Variants in ZNF462 observed in about 807,000 individuals in gnomAD.
ZNF462 encodes zinc finger PBX1-interacting protein.
In ZNF462, 10 loss-of-function variants were observed where a neutral mutation model predicts 201.9. The ratio of observed to expected loss-of-function variants is 0.05; its 90% CI spans 0.03 to 0.08. The LOEUF is 0.08. Ranked by LOEUF, ZNF462 falls within the 10% of genes least tolerant of loss-of-function variation. The pLI is 1.00. For synonymous variants in ZNF462, 1,227 were observed against 1,193.3 expected (o/e 1.03, Z -0.58); for missense variants, 2,523 against 3,168.3 (o/e 0.80, Z 4.89).
At position 106,863,345 on chromosome 9, in the gene ZNF462, A is replaced by T. The variant is rs1221307278; in HGVS notation, c.-41A>T. ...ACCCGAAGCACCTCCCGGCGCCGGG[A>T]CGCTTCTTCTGTAAGTTACTGCAAT... On this transcript the variant is annotated 5_prime_UTR_variant, in exon 1 of 13. Transcript: ENST00000277225. The T allele has an allele frequency of 2.5e-6, 1 of 396,244 alleles. No individual in the cohort carries two copies. Among genetic ancestry groups the T allele is most frequent in the Non-Finnish European group, 4.4e-6 (1 of 224,834 alleles). 24.5% of individuals were successfully genotyped at this position (396,244 alleles called of 1,614,324 possible). A position where few individuals can be genotyped will look rare whatever the true frequency, so the allele number is the denominator to read the frequency against.
Position 106,926,004 on chromosome 9 carries a change from G to C in ZNF462, c.2092G>C (p.Glu698Gln). The C allele has an allele frequency of 2.5e-6, 4 of 1,614,170 alleles. No individual in the cohort carries two copies. Among genetic ancestry groups the C allele is most frequent in the Non-Finnish European group, 3.4e-6 (4 of 1,180,036 alleles). The change falls in exon 3 of 13, where the codon GAG (glutamate) becomes CAG (glutamine). Residue 698 changes from glutamate (E) to glutamine (Q), a missense_variant. By Grantham distance (29) the Glu-to-Gln change is conservative. Transcript: ENST00000277225. The surrounding 1 kb of genome is among the most constrained non-coding windows in gnomAD (Gnocchi z 7.9). ...CGTGAAGAAGAGAACCAGGATTGAC[G>C]AGATAGCAAGCAACCTTCAGAGCAA... is the stretch of plus-strand genomic sequence containing the variant. ...SPVKKRTRID[E>Q]IASNLQSKIN...
rs757799432 is a variant in ZNF462 at position 106,919,852 on chromosome 9, G to A, written c.-30-3502G>A. Among the ~76,000 whole-genome samples the A allele has an allele frequency of 1.3e-5, 2 of 152,198 alleles. No individual in the cohort carries two copies. Among genetic ancestry groups the A allele is most frequent in the African/African-American group, 2.4e-5 (1 of 41,456 alleles). On this transcript the variant is annotated intron_variant, in intron 1 of 12. Transcript: ENST00000277225. The surrounding 1 kb of genome is among the most constrained non-coding windows in gnomAD (Gnocchi z 4.5). ...TGAAGGGCCTAGACATATATCTGGGGTAGAAGACAGGGATGCTTGTTTGAT... is the reference window on the plus strand; with the variant it reads ...TGAAGGGCCTAGACATATATCTGGGATAGAAGACAGGGATGCTTGTTTGAT...
intron 1 of ZNF462, among the ~76,000 whole-genome samples, chr9:106,882,167 A>C (rs1037493985): frequency 3.2e-4 from 48 of 152,268 alleles, no homozygotes; most frequent in Non-Finnish European, 2.8e-4. Flanking sequence ...TTGAAGGCCA[A>C]CCACTGATTT....
At position 107,012,711 on chromosome 9, in the gene ZNF462, G is replaced by GTTTTTT. The variant is rs57114077; in HGVS notation, c.*1695_*1700dup. ...CACGTGTGAATCCTTTGGTTTTCAT[G>GTTTTTT]TTTTTTTTTTTTTTTTTTTACTTGG... is the stretch of plus-strand genomic sequence containing the variant. On this transcript the variant is annotated 3_prime_UTR_variant, in exon 13 of 13. Transcript: ENST00000277225. 1 of 70,276 alleles carries GTTTTTT rather than the reference G, an allele frequency of 1.4e-5. No individual in the cohort carries two copies. The highest frequency in any genetic ancestry group is 4.3e-5 in the African/African-American group (1 of 23,330). The allele number at this position is 70,276 out of a possible 1,614,324, so 4.4% of individuals were successfully genotyped here. A position where few individuals can be genotyped will look rare whatever the true frequency, so the allele number is the denominator to read the frequency against.
In ZNF462 at chr9:106,872,181, T is replaced by C. The variant is rs779897002; in HGVS notation, c.-31+8826T>C. ...ATGGGCCTGATGGAGGGTCCTTCGT[T>C]TGGGGTACAATTTGAATGCTGGGTT... On this transcript the variant is annotated intron_variant, in intron 1 of 12. Coordinates refer to ENST00000277225, the MANE Select transcript of ZNF462 (RefSeq NM_021224.6). This position sits in a 1 kb window ranked among gnomAD's most constrained non-coding sequence, Gnocchi z 4.5. Among the ~76,000 whole-genome samples, 7 of 152,100 alleles carry C rather than the reference T, an allele frequency of 4.6e-5. No homozygotes were observed. The highest frequency in any genetic ancestry group is 1.0e-4 in the Non-Finnish European group (7 of 68,008).
At position 106,913,116 on chromosome 9, in the gene ZNF462, T is replaced by A. The variant is rs2131322102; in HGVS notation, c.-30-10238T>A. ...GTGGAACAATGCAGCCAGAGGCAGC[T>A]TCTCCATGGATGATGAGGAAAAGGA... On this transcript the variant is annotated intron_variant, in intron 1 of 12. Coordinates refer to ENST00000277225, the MANE Select transcript of ZNF462 (RefSeq NM_021224.6). The surrounding 1 kb of genome is among the most constrained non-coding windows in gnomAD (Gnocchi z 4.1). 6.6e-6 allele frequency among the ~76,000 whole-genome samples: 1 copy of A among 152,342 alleles called. No individual in the cohort carries two copies. The highest frequency in any genetic ancestry group is 2.4e-5 in the African/African-American group (1 of 41,580).
intron 6 of ZNF462, among the ~76,000 whole-genome samples, chr9:106,937,065 C>T (rs142900533): frequency 1.3e-5 from 2 of 152,290 alleles, no homozygotes; most frequent in African/African-American, 2.4e-5. Context: ...ACTCTTGACT[C>T]ATCTTGTCTT....
intron 7 of ZNF462, among the ~76,000 whole-genome samples, chr9:106,942,339 T>C (rs1375481144): frequency 6.6e-6 from 1 of 151,976 alleles, no homozygotes; most frequent in Non-Finnish European, 1.5e-5. Flanking sequence ...AATGAGAAGG[T>C]AGAGGGGAGA....
upstream of ZNF462, among the ~76,000 whole-genome samples, chr9:106,862,223 C>T (rs915583138): frequency 6.6e-6 from 1 of 152,208 alleles, no homozygotes; most frequent in Admixed American, 6.5e-5. The surrounding 1 kb of genome is among the most constrained non-coding windows in gnomAD (Gnocchi z 4.2). Flanking sequence ...ATTAAAAAGC[C>T]CCACGTGGTT....
chr9:106,992,095 A>G (rs991211867), intron 10 of ZNF462, among the ~76,000 whole-genome samples: 1 of 152,072 alleles, frequency 6.6e-6, no homozygotes, highest in Non-Finnish European at 1.5e-5. Context: ...GTAATTATCT[A>G]ACAAAGGGCT....
intron 1 of ZNF462, among the ~76,000 whole-genome samples, chr9:106,922,784 C>G (rs1299658433): frequency 6.6e-6 from 1 of 152,010 alleles, no homozygotes; most frequent in African/African-American, 2.4e-5. Flanking sequence ...GAGGTGCACC[C>G]CAATATCAGC....
intron 1 of ZNF462, among the ~76,000 whole-genome samples, chr9:106,884,025 C>G (rs1462908632): frequency 6.6e-6 from 1 of 152,198 alleles, no homozygotes; most frequent in Non-Finnish European, 1.5e-5. Flanking sequence ...GGGTGGACAG[C>G]TCCCTTTTAA....
chr9:106,886,750 G>C lies in ZNF462; in HGVS notation c.-31+23395G>C, dbSNP rs1262422797. On this transcript the variant is annotated intron_variant, in intron 1 of 12. Coordinates refer to ENST00000277225, the MANE Select transcript of ZNF462 (RefSeq NM_021224.6). The surrounding 1 kb of genome is among the most constrained non-coding windows in gnomAD (Gnocchi z 4.6). ...TGGAATATCAGTTTTCTGCCCTGGTGATCCATGCTTATTCCACTACAACAG... is the reference window on the plus strand; with the variant it reads ...TGGAATATCAGTTTTCTGCCCTGGTCATCCATGCTTATTCCACTACAACAG... 1.3e-5 allele frequency among the ~76,000 whole-genome samples: 2 copies of C among 152,146 alleles called. No homozygotes were observed. The highest frequency in any genetic ancestry group is 2.9e-5 in the Non-Finnish European group (2 of 68,028).
Position 106,939,789 on chromosome 9 carries a change from GC to G in ZNF462, c.6427+683del, listed in dbSNP as rs796788893. On this transcript the variant is annotated intron_variant, in intron 7 of 12. Coordinates refer to ENST00000277225, the MANE Select transcript of ZNF462 (RefSeq NM_021224.6). ...AGGGCCTGCAGATATGGCATAGTAAGCAAAGGGATAGTTTATTGTTTTTATA... is the reference window on the plus strand; with the variant it reads ...AGGGCCTGCAGATATGGCATAGTAAGAAAGGGATAGTTTATTGTTTTTATA... 1.3e-3 allele frequency among the ~76,000 whole-genome samples: 204 copies of G among 152,300 alleles called. 3 individuals carry two copies. Among genetic ancestry groups the G allele is most frequent in the African/African-American group, 4.7e-3 (196 of 41,572 alleles).
At chr9:106,869,547 A>T (rs1827497614) in intron 1 of ZNF462, among the ~76,000 whole-genome samples, 1 of 152,216 alleles carries the variant, frequency 6.6e-6, no homozygotes, top group African/African-American at 2.4e-5. Context: ...TTCCAAACGA[A>T]TGCATCAATT....
Position 106,927,587 on chromosome 9 carries a change from G to T in ZNF462, c.3675G>T (p.Val1225=). Reference sequence around the variant, plus strand: ...GAGACTTCAAGGCCAATGCAGATGTGATCCGGCAGCATACGGCCACCATTC... The same window carrying T: ...GAGACTTCAAGGCCAATGCAGATGTTATCCGGCAGCATACGGCCACCATTC... ...KHRDFKANAD[V]IRQHTATIRS... The change falls in exon 3 of 13, where the codon GTG becomes GTT. Residue 1225 remains valine (V), a synonymous_variant. Transcript: ENST00000277225. 1 of 1,613,836 alleles carries T rather than the reference G, an allele frequency of 6.2e-7. No homozygotes were observed. The highest frequency in any genetic ancestry group is 8.5e-7 in the Non-Finnish European group (1 of 1,179,922).
chr9:106,925,871 C>T lies in ZNF462; in HGVS notation c.1959C>T (p.Asn653=), dbSNP rs1830174136. 3 of 1,614,196 alleles carry T rather than the reference C, an allele frequency of 1.9e-6. No individual in the cohort carries two copies. Among genetic ancestry groups the T allele is most frequent in the Non-Finnish European group, 2.5e-6 (3 of 1,180,040 alleles). The change falls in exon 3 of 13, where the codon AAC becomes AAT. Residue 653 remains asparagine, a synonymous_variant. Transcript: ENST00000277225. The surrounding 1 kb of genome is among the most constrained non-coding windows in gnomAD (Gnocchi z 7.9). ...CAGACAGCCACCCCTCTTCCAGCAA[C>T]ACTGTGAAGAAAAGTCAGACCTCAA... ...NETDSHPSSS[N]TVKKSQTSIL... is the part of the protein sequence containing the mutation.
At chr9:106,941,268 GC>G (rs1274968972) in intron 7 of ZNF462, among the ~76,000 whole-genome samples, 1 of 152,058 alleles carries the variant, frequency 6.6e-6, no homozygotes, top group African/African-American at 2.4e-5. Context: ...TATTTTTCTG[GC>G]CCTCCGACAA....
rs757536865 is a variant in ZNF462 at position 106,929,538 on chromosome 9, A to C, written c.5626A>C (p.Arg1876=). ...TGACCACCACAGTCGGGACCTAAAG[A>C]GGGACTTCATCATTCTGGGCAACGG... ...YTDHHSRDLK[R]DFIILGNGPR... The change falls in exon 3 of 13, where the codon AGG becomes CGG. Residue 1876 remains arginine, a synonymous_variant. Transcript: ENST00000277225. The surrounding 1 kb of genome is among the most constrained non-coding windows in gnomAD (Gnocchi z 8.7). 12 of 1,614,036 alleles carry C rather than the reference A, an allele frequency of 7.4e-6. No individual in the cohort carries two copies. In the Admixed American group the frequency reaches 2.0e-4, roughly 27 times the overall value.
Sources: gnomAD v4.1 joint callset for allele counts (sites outside exome capture counted in the v4.1 genomes callset) on GRCh38, gnomAD v4.1.1 for gene constraint, Gnocchi (gnomAD v3.1) non-coding constraint, MANE v1.5 for transcripts, NCBI Gene and HGNC (gene_info 2026-07-23, HGNC 2026-07-21) for gene names.